Variants in GSDME observed in about 807,000 individuals in gnomAD.
GSDME encodes gasdermin E.
A neutral mutation model predicts 47.5 loss-of-function variants in GSDME; 44 were observed. The ratio of observed to expected loss-of-function variants is 0.93; its 90% CI spans 0.73 to 1.19. GSDME has a LOEUF of 1.19. Among genes scored for constraint, GSDME ranks in the 50% most tolerant of loss-of-function variants. The pLI is 0.00. For missense variants in GSDME, 663 were observed against 604.2 expected, an observed-to-expected ratio of 1.10 and a Z score of -1.02; for synonymous variants, 258 against 252.8, an observed-to-expected ratio of 1.02 and a Z score of -0.20.
At chr7:24,755,048 TGAGGAA>T (rs1790971720) in intron 1 of GSDME, among the ~76,000 whole-genome samples, 1 of 152,214 alleles carries the variant, frequency 6.6e-6, no homozygotes, top group African/African-American at 2.4e-5. Flanking sequence ...GTAGGCAGTG[TGAGGAA>T]GCTGAGGTTC....
intron 1 of GSDME, among the ~76,000 whole-genome samples, chr7:24,755,250 C>G (rs1237153117): frequency 6.6e-6 from 1 of 152,182 alleles, no homozygotes; most frequent in Non-Finnish European, 1.5e-5. Context: ...GTAATCATGC[C>G]TGAACACAGA....
chr7:24,731,801 G>A (rs1020058549), intron 3 of GSDME, among the ~76,000 whole-genome samples: 8 of 152,214 alleles, frequency 5.3e-5, no homozygotes, highest in Admixed American at 5.2e-4. Context: ...TGTCCCATGT[G>A]TCTTGGTTTA....
the GSDME span, among the ~76,000 whole-genome samples, chr7:24,791,579 C>T: frequency 1.3e-5 from 2 of 152,218 alleles, no homozygotes; most frequent in East Asian, 1.9e-4. This position sits in a 1 kb window ranked among gnomAD's most constrained non-coding sequence, Gnocchi z 4.8. Context: ...AGTACGACTG[C>T]AGCTCCTAGC....
At position 24,735,140 on chromosome 7, in the gene GSDME, A is replaced by G. The variant is rs904344982; in HGVS notation, c.404+9422T>C. On this transcript the variant is annotated intron_variant, in intron 3 of 9. Transcript: ENST00000645220. This position sits in a 1 kb window ranked among gnomAD's most constrained non-coding sequence, Gnocchi z 4.4. ...TTAAAGGCCAGGAGAGAGTGGCATG[A>G]CATATCTAAAGTGCTGAAGGAAAAA... Among the ~76,000 whole-genome samples the G allele has an allele frequency of 2.0e-5, 3 of 152,240 alleles. No homozygotes were observed. The highest frequency in any genetic ancestry group is 7.2e-5 in the African/African-American group (3 of 41,458).
intron 3 of GSDME, among the ~76,000 whole-genome samples, chr7:24,723,000 G>A (rs998237372): frequency 2.8e-4 from 43 of 152,326 alleles, no homozygotes; most frequent in African/African-American, 1.0e-3. Flanking sequence ...CACAGCCACA[G>A]CTCATGCAGG....
At chr7:24,700,799 G>A (rs1012688202) in intron 9 of GSDME, among the ~76,000 whole-genome samples, 1 of 152,196 alleles carries the variant, frequency 6.6e-6, no homozygotes, top group Non-Finnish European at 1.5e-5. Flanking sequence ...AGTGAATTAA[G>A]GAGGAGCCCC....
chr7:24,783,795 G>A, the GSDME span, among the ~76,000 whole-genome samples: 2 of 152,064 alleles, frequency 1.3e-5, no homozygotes, highest in Admixed American at 1.3e-4. Flanking sequence ...GAGGGGAGGA[G>A]TCTAGAATTA....
chr7:24,747,920 G>A (rs1174590408), intron 2 of GSDME, among the ~76,000 whole-genome samples: 3 of 151,918 alleles, frequency 2.0e-5, no homozygotes, highest in African/African-American at 4.8e-5. Flanking sequence ...CGCCCACCTC[G>A]GCCTCCCAAA....
chr7:24,784,996 C>T, the GSDME span, among the ~76,000 whole-genome samples: 5 of 152,224 alleles, frequency 3.3e-5, no homozygotes, highest in African/African-American at 1.2e-4. Context: ...AGGGACAATA[C>T]TTTGCACCCT....
At chr7:24,766,443 T>C in the GSDME span, among the ~76,000 whole-genome samples, 1 of 152,102 alleles carries the variant, frequency 6.6e-6, no homozygotes, top group Non-Finnish European at 1.5e-5. The surrounding 1 kb of genome is among the most constrained non-coding windows in gnomAD (Gnocchi z 4.2). Context: ...CCTAATGCTC[T>C]CCCTCCCCTA....
Position 24,702,802 on chromosome 7 carries a change from GC to G in GSDME, c.1214del (p.Gly405AlafsTer32), listed in dbSNP as rs1180997664. 2 of 1,613,588 alleles carry G rather than the reference GC, an allele frequency of 1.2e-6. No individual in the cohort carries two copies. Among genetic ancestry groups the G allele is most frequent in the Middle Eastern group, 1.7e-4 (1 of 6,060 alleles). On this transcript the variant is annotated frameshift_variant, in exon 9 of 10. Coordinates refer to ENST00000645220, the MANE Select transcript of GSDME (RefSeq NM_001127453.2). LOFTEE classifies it low-confidence loss of function (END_TRUNC). ...GAATGATCTGGAGTTTGCAGCAAGT[GC>G]CCAGCAGAGCTGCTGCGCTATCTGG... ...EMPDSAAALL[G>X]TCCKLQIIPT...
the GSDME span, among the ~76,000 whole-genome samples, chr7:24,794,262 T>C: frequency 6.7e-6 from 1 of 148,796 alleles, no homozygotes; most frequent in East Asian, 2.0e-4. Context: ...TTGCCTCTTT[T>C]CTTCTCTCTC....
intron 7 of GSDME, chr7:24,707,683 GAC>G (rs10531811): frequency 0.56 from 181,499 of 326,526 alleles, 52,682 homozygotes; most frequent in East Asian, 0.95. Flanking sequence ...TAAAGGAGAA[GAC>G]ACACACACAC....
rs1789884948 is a variant in GSDME, at chr7:24,724,044, C to T, written c.405-4826G>A. Among the ~76,000 whole-genome samples the T allele has an allele frequency of 6.6e-6, 1 of 152,102 alleles. No homozygotes were observed. The highest frequency in any genetic ancestry group is 2.4e-5 in the African/African-American group (1 of 41,402). ...CCACTGAGCAACACAGACAGAATGG[C>T]TTTAGAGACACAGAAAACTATTAGT... On this transcript the variant is annotated intron_variant, in intron 3 of 9. Transcript: ENST00000645220. The surrounding 1 kb of genome is among the most constrained non-coding windows in gnomAD (Gnocchi z 4.8).
chr7:24,755,781 A>G (rs1368026655), intron 1 of GSDME, among the ~76,000 whole-genome samples: 1 of 152,206 alleles, frequency 6.6e-6, no homozygotes, highest in African/African-American at 2.4e-5. Flanking sequence ...CTCATTCTGT[A>G]ACATAAGAAA....
rs150265932 is a variant in GSDME, at chr7:24,729,119, C to T, written c.405-9901G>A. 7.8e-4 allele frequency among the ~76,000 whole-genome samples: 119 copies of T among 152,254 alleles called. No homozygotes were observed. The East Asian group carries it at 0.013, about 17-fold the overall frequency. On this transcript the variant is annotated intron_variant, in intron 3 of 9. Coordinates refer to ENST00000645220, the MANE Select transcript of GSDME (RefSeq NM_001127453.2). The stretch of plus-strand genomic sequence containing the variant: ...ACCTGTAGATGTTCAGCCCTTTAGA[C>T]GAGTAATTAATTAACTGCAACCAGT...
At chr7:24,770,390 A>G in the GSDME span, among the ~76,000 whole-genome samples, 1 of 152,322 alleles carries the variant, frequency 6.6e-6, no homozygotes, top group East Asian at 1.9e-4. This position sits in a 1 kb window ranked among gnomAD's most constrained non-coding sequence, Gnocchi z 4.6. Context: ...TGTTAATAGT[A>G]AGTATAGCCT....
intron 1 of GSDME, 132 bp from the exon 2 acceptor site, chr7:24,749,925 T>C: frequency 3.1e-6 from 2 of 644,202 alleles, no homozygotes; most frequent in Admixed American, 2.8e-5. Flanking sequence ...GAAGACCCTC[T>C]AGTTTGACTT....
chr7:24,787,155 T>C, the GSDME span, among the ~76,000 whole-genome samples: 3 of 152,270 alleles, frequency 2.0e-5, no homozygotes, highest in Middle Eastern at 3.4e-3. This position sits in a 1 kb window ranked among gnomAD's most constrained non-coding sequence, Gnocchi z 5.0. Flanking sequence ...AAAAATTTCA[T>C]TGTGACCTAA....
Sources: allele counts gnomAD v4.1 joint callset (sites outside exome capture counted in the v4.1 genomes callset), GRCh38; gene constraint gnomAD v4.1.1; non-coding constraint Gnocchi (gnomAD v3.1); transcripts MANE v1.5; gene names NCBI Gene and HGNC (gene_info 2026-07-23, HGNC 2026-07-21).